The following KCTD16 variants were observed in gnomAD, a reference collection of about 807,000 sequenced individuals.
The protein encoded by KCTD16 is BTB/POZ domain-containing protein KCTD16.
A neutral mutation model predicts 33.2 loss-of-function variants in KCTD16; 13 were observed. The ratio of observed to expected loss-of-function variants is 0.39; its 90% confidence interval spans 0.25 to 0.62. The LOEUF (loss-of-function observed/expected upper bound fraction) is 0.62, where lower values mean the gene tolerates loss of function less well. Among genes scored for constraint, KCTD16 ranks in the 20% least tolerant of loss-of-function variants. The probability of loss-of-function intolerance (pLI) is 0.50; values close to 1 mark genes in which losing one functional copy is unlikely to be tolerated. For missense variants in KCTD16, 441 were observed against 525.1 expected (o/e 0.84, Z 1.57); for synonymous variants, 197 against 195.3 (o/e 1.01, Z -0.07).
intron 3 of KCTD16, among the ~76,000 whole-genome samples, chr5:144,273,461 C>T (rs1286910886): frequency 6.6e-6 from 1 of 152,126 alleles, no homozygotes; most frequent in African/African-American, 2.4e-5. Context: ...TCAGCAGTCC[C>T]ACCTTTGGGT....
At chr5:144,237,126 C>A (rs1003605484) in intron 3 of KCTD16, among the ~76,000 whole-genome samples, 2 of 152,072 alleles carry the variant, frequency 1.3e-5, no homozygotes, top group South Asian at 2.1e-4. Flanking sequence ...CATTCTGGGT[C>A]CCTACCCAGA....
At chr5:144,436,580 T>G (rs1340534742) in intron 3 of KCTD16, among the ~76,000 whole-genome samples, 1 of 150,826 alleles carries the variant, frequency 6.6e-6, no homozygotes. Flanking sequence ...TTGGGGAAAG[T>G]GTTTAACTTC....
intron 3 of KCTD16, among the ~76,000 whole-genome samples, chr5:144,277,039 A>C (rs1755457377): frequency 6.6e-6 from 1 of 152,188 alleles, no homozygotes; most frequent in Admixed American, 6.5e-5. Context: ...CAGAGCTCTG[A>C]GTGTAGAGTT....
chr5:144,367,494 G>C (rs910094028), intron 3 of KCTD16, among the ~76,000 whole-genome samples: 9 of 152,152 alleles, frequency 5.9e-5, no homozygotes, highest in African/African-American at 2.2e-4. Flanking sequence ...TTACAACCAA[G>C]AGAACCATGA....
chr5:144,311,317 A>G (rs1751762773), intron 3 of KCTD16, among the ~76,000 whole-genome samples: 1 of 152,202 alleles, frequency 6.6e-6, no homozygotes, highest in Non-Finnish European at 1.5e-5. Context: ...AGTAGTATCT[A>G]ACTTATTGAT....
chr5:144,265,320 G>T (rs1755113555), intron 3 of KCTD16, among the ~76,000 whole-genome samples: 1 of 152,176 alleles, frequency 6.6e-6, no homozygotes, highest in South Asian at 2.1e-4. Flanking sequence ...CTGCATGCCA[G>T]TATAATATCC....
At chr5:144,227,373 A>G (rs1219549286) in intron 3 of KCTD16, among the ~76,000 whole-genome samples, 1 of 152,224 alleles carries the variant, frequency 6.6e-6, no homozygotes, top group Non-Finnish European at 1.5e-5. Flanking sequence ...CTATTGGAGA[A>G]GAAGCTTAGA....
At chr5:144,185,311 T>C (rs1041680543) in intron 2 of KCTD16, among the ~76,000 whole-genome samples, 1 of 152,360 alleles carries the variant, frequency 6.6e-6, no homozygotes, top group Non-Finnish European at 1.5e-5. Flanking sequence ...TGTATAAGTT[T>C]GTATTTCAGA....
intron 3 of KCTD16, among the ~76,000 whole-genome samples, chr5:144,405,591 C>G (rs144992917): frequency 6.6e-6 from 1 of 152,238 alleles, no homozygotes; most frequent in Non-Finnish European, 1.5e-5. Context: ...ACATGAGAAG[C>G]CTTATCCTGC....
chr5:144,379,828 A>G (rs1752171688), intron 3 of KCTD16, among the ~76,000 whole-genome samples: 1 of 152,200 alleles, frequency 6.6e-6, no homozygotes. Context: ...CTTGAGAAAC[A>G]TATTTATAAA....
At chr5:144,433,807 A>C (rs1365142485) in intron 3 of KCTD16, among the ~76,000 whole-genome samples, 2 of 152,266 alleles carry the variant, frequency 1.3e-5, no homozygotes, top group Non-Finnish European at 1.5e-5. Flanking sequence ...TTCTGCTCTA[A>C]ATACTACATC....
At chr5:144,373,768 A>G (rs1217068095) in intron 3 of KCTD16, among the ~76,000 whole-genome samples, 1 of 152,212 alleles carries the variant, frequency 6.6e-6, no homozygotes, top group Non-Finnish European at 1.5e-5. Flanking sequence ...ATGGCAAATC[A>G]CATCTTCCTG....
At chr5:144,368,392 G>A (rs764620068) in intron 3 of KCTD16, among the ~76,000 whole-genome samples, 5 of 152,082 alleles carry the variant, frequency 3.3e-5, no homozygotes, top group South Asian at 2.1e-4. Context: ...AGGACTCAGC[G>A]CAACATTGCT....
intron 2 of KCTD16, among the ~76,000 whole-genome samples, 155 bp downstream of exon 2, chr5:144,174,627 T>C (rs952609243): frequency 2.6e-5 from 4 of 152,220 alleles, no homozygotes; most frequent in Admixed American, 1.3e-4. Context: ...AAATTCTGCT[T>C]CTTTTGTTTC....
chr5:144,229,325 C>T (rs1754029302), intron 3 of KCTD16, among the ~76,000 whole-genome samples: 1 of 152,016 alleles, frequency 6.6e-6, no homozygotes, highest in Admixed American at 6.6e-5. Context: ...GAAGATCTCT[C>T]TGGGGTTAAG....
At chr5:144,374,544 T>G (rs907049817) in intron 3 of KCTD16, among the ~76,000 whole-genome samples, 2 of 152,188 alleles carry the variant, frequency 1.3e-5, no homozygotes, top group African/African-American at 4.8e-5. Flanking sequence ...CAGGTTTCTT[T>G]AGAAAGCTAA....
chr5:144,458,779 G>A (rs1279204735), intron 3 of KCTD16, among the ~76,000 whole-genome samples: 1 of 152,160 alleles, frequency 6.6e-6, no homozygotes, highest in Non-Finnish European at 1.5e-5. Flanking sequence ...GCCCATCAGA[G>A]TACAGGGCTC....
At chr5:144,458,759 G>T (rs1209013142) in intron 3 of KCTD16, among the ~76,000 whole-genome samples, 1 of 152,142 alleles carries the variant, frequency 6.6e-6, no homozygotes. Context: ...CTTTCCTCCT[G>T]TTCCTAAGAG....
intron 3 of KCTD16, among the ~76,000 whole-genome samples, chr5:144,217,719 A>T (rs982079997): frequency 1.7e-4 from 26 of 152,174 alleles, no homozygotes; most frequent in African/African-American, 4.8e-4. Flanking sequence ...CCAGCTCTTC[A>T]CGTTAATGAT....
Sources: allele counts gnomAD v4.1 joint callset (sites outside exome capture counted in the v4.1 genomes callset), GRCh38; gene constraint gnomAD v4.1.1; transcripts MANE v1.5; gene names NCBI Gene and HGNC (gene_info 2026-07-23, HGNC 2026-07-21).